Variants in ICA1 observed in about 807,000 individuals in gnomAD.
ICA1 encodes 69 kDa islet cell autoantigen.
In ICA1, 40 loss-of-function variants were observed where a neutral mutation model predicts 71.0. That is an observed-to-expected ratio of 0.56 (90% confidence interval 0.44 to 0.73). The LOEUF is 0.73. Among genes scored for constraint, ICA1 ranks in the 30% least tolerant of loss-of-function variants. ICA1 has a pLI of 0.00. For synonymous variants in ICA1, 207 were observed against 209.5 expected, an observed-to-expected ratio of 0.99 and a Z score of 0.10; for missense variants, 578 against 576.5, an observed-to-expected ratio of 1.00 and a Z score of -0.03.
In ICA1 at chr7:8,224,844, G is replaced by C. The variant is rs563131677; in HGVS notation, c.257-3446C>G. On this transcript the variant is annotated intron_variant, in intron 4 of 13. Coordinates refer to ENST00000402384, the MANE Select transcript of ICA1 (RefSeq NM_001136020.3). ...AAGAGTACTGGTCAGATATTTTGTA[G>C]AATGTGCCTCAATTTGGTTTGTCTG... is the stretch of plus-strand genomic sequence containing the variant. 7.2e-5 allele frequency among the ~76,000 whole-genome samples: 11 copies of C among 152,256 alleles called. No homozygotes were observed. The South Asian group carries it at 2.1e-3, about 29-fold the overall frequency.
chr7:8,235,536 A>G (rs1583587952), intron 2 of ICA1, among the ~76,000 whole-genome samples: 1 of 152,220 alleles, frequency 6.6e-6, no homozygotes, highest in Non-Finnish European at 1.5e-5. Context: ...TCTTTATTTT[A>G]TAGCTACCCT....
intron 4 of ICA1, chr7:8,227,963 G>A: frequency 2.9e-6 from 1 of 344,396 alleles, no homozygotes; most frequent in South Asian, 2.3e-5. Context: ...ACTGAAAAGG[G>A]GTTTGGCAGC....
At chr7:8,174,755 C>CAAAAAAAAAAAAAA (rs1218712832) in intron 6 of ICA1, among the ~76,000 whole-genome samples, 1 of 83,462 alleles carries the variant, frequency 1.2e-5, no homozygotes, top group Non-Finnish European at 2.2e-5. Context: ...GACTGTATCT[C>CAAAAAAAAAAAAAA]AAAAAAAAAA....
Position 8,240,495 on chromosome 7 carries a change from G to T in ICA1, c.-79-4490C>A, listed in dbSNP as rs141673767. Among the ~76,000 whole-genome samples, 1,264 of 152,276 alleles carry T rather than the reference G, an allele frequency of 8.3e-3. 23 individuals are homozygous for T. The highest frequency in any genetic ancestry group is 0.03 in the African/African-American group (1,229 of 41,548). On this transcript the variant is annotated intron_variant, in intron 1 of 13. Coordinates refer to ENST00000402384, the MANE Select transcript of ICA1 (RefSeq NM_001136020.3). Reference sequence around the variant, plus strand: ...AGCTGAAAATTCTAAAAACCAGAGCGCATCTTCTCCTCCAAAGGATCGCAG... The same window carrying T: ...AGCTGAAAATTCTAAAAACCAGAGCTCATCTTCTCCTCCAAAGGATCGCAG...
chr7:8,147,139 C>A (rs1344042003), intron 8 of ICA1, among the ~76,000 whole-genome samples: 6 of 152,158 alleles, frequency 3.9e-5, no homozygotes, highest in Non-Finnish European at 8.8e-5. Context: ...TGTCTAGCTG[C>A]CACAGCGCTT....
At chr7:8,220,738 G>C (rs917579651) in intron 5 of ICA1, among the ~76,000 whole-genome samples, 1 of 152,182 alleles carries the variant, frequency 6.6e-6, no homozygotes, top group African/African-American at 2.4e-5. Flanking sequence ...CAGCGGTCTA[G>C]TTAAAATGTG....
intron 13 of ICA1, among the ~76,000 whole-genome samples, chr7:8,122,645 C>T (rs1787451620): frequency 1.3e-5 from 2 of 152,288 alleles, no homozygotes; most frequent in Middle Eastern, 3.4e-3. Flanking sequence ...TACCTGGAGC[C>T]AGGCTAAGCC....
At chr7:8,138,290 G>C (rs532708294) in intron 12 of ICA1, among the ~76,000 whole-genome samples, 1 of 152,308 alleles carries the variant, frequency 6.6e-6, no homozygotes, top group South Asian at 2.1e-4. Context: ...CTAAGGGTCA[G>C]TAGAGACTTA....
chr7:8,184,019 TAGA>T (rs1420249451), intron 6 of ICA1, among the ~76,000 whole-genome samples: 3 of 152,194 alleles, frequency 2.0e-5, no homozygotes, highest in Non-Finnish European at 4.4e-5. Flanking sequence ...ATCACTAACA[TAGA>T]AAGTTACCTA....
At chr7:8,230,244 T>TTTCTATATTTC (rs1364689965) in intron 3 of ICA1, among the ~76,000 whole-genome samples, 4 of 152,220 alleles carry the variant, frequency 2.6e-5, no homozygotes, top group African/African-American at 9.6e-5. Flanking sequence ...TGGACAAATA[T>TTTCTATATTTC]TAAAACTCAG....
intron 6 of ICA1, among the ~76,000 whole-genome samples, chr7:8,206,047 C>T (rs890266634): frequency 2.0e-5 from 3 of 152,154 alleles, no homozygotes; most frequent in African/African-American, 7.2e-5. Context: ...ATTTTCTCCA[C>T]GTTCTCACTG....
chr7:8,133,972 C>G (rs1334420422), intron 12 of ICA1, among the ~76,000 whole-genome samples: 5 of 150,492 alleles, frequency 3.3e-5, no homozygotes, highest in African/African-American at 1.2e-4. Flanking sequence ...TTATTAGTTA[C>G]AGACAATCTT....
rs116304630 is a variant in ICA1 at position 8,140,312 on chromosome 7, C to A, written c.956-1265G>T. ...CCCAGCTGCTCCCTTTCTCCTCCTGCCACTCGCTCCCCCTCATGCTCTGGA... is the reference window on the plus strand; with the variant it reads ...CCCAGCTGCTCCCTTTCTCCTCCTGACACTCGCTCCCCCTCATGCTCTGGA... On this transcript the variant is annotated intron_variant, in intron 10 of 13. Transcript: ENST00000402384. Among the ~76,000 whole-genome samples the A allele has an allele frequency of 5.6e-3, 859 of 152,284 alleles. 17 individuals carry two copies. Among genetic ancestry groups the A allele is most frequent in the African/African-American group, 0.02 (829 of 41,548 alleles).
At chr7:8,152,547 A>ACCT in intron 8 of ICA1, among the ~76,000 whole-genome samples, 3 of 108,144 alleles carry the variant, frequency 2.8e-5, no homozygotes, top group African/African-American at 9.8e-5. Context: ...TATTACCATC[A>ACCT]CCACCTCCAC....
intron 3 of ICA1, among the ~76,000 whole-genome samples, chr7:8,231,036 C>T (rs28368830): frequency 0.18 from 27,403 of 151,786 alleles, 6,531 homozygotes; most frequent in African/African-American, 0.55. Context: ...ATGAGTACTA[C>T]GAATAAAATA....
intron 13 of ICA1, among the ~76,000 whole-genome samples, chr7:8,117,151 CT>C: frequency 6.6e-6 from 1 of 152,194 alleles, no homozygotes; most frequent in South Asian, 2.1e-4. Flanking sequence ...TTTGCTTCCC[CT>C]TCATCTTTGC....
At chr7:8,152,235 C>A (rs1295674620) in intron 8 of ICA1, among the ~76,000 whole-genome samples, 1 of 151,986 alleles carries the variant, frequency 6.6e-6, no homozygotes, top group African/African-American at 2.4e-5. Context: ...TGTCCCACTG[C>A]AATTCATAGC....
chr7:8,167,500 G>A (rs993325870), intron 6 of ICA1, among the ~76,000 whole-genome samples: 1 of 152,080 alleles, frequency 6.6e-6, no homozygotes, highest in Non-Finnish European at 1.5e-5. Context: ...GGAAGAGGGT[G>A]AGGATAAAAA....
intron 1 of ICA1, among the ~76,000 whole-genome samples, chr7:8,245,473 G>A (rs1024619922): frequency 6.6e-6 from 1 of 151,898 alleles, no homozygotes; most frequent in African/African-American, 2.4e-5. Flanking sequence ...ACAGGTTGAT[G>A]GGTACAGTGG....
Sources: allele counts gnomAD v4.1 joint callset (sites outside exome capture counted in the v4.1 genomes callset), GRCh38; gene constraint gnomAD v4.1.1; transcripts MANE v1.5; gene names NCBI Gene and HGNC (gene_info 2026-07-23, HGNC 2026-07-21).